Variants in PPP1R21 observed in about 807,000 individuals in gnomAD.
PPP1R21 encodes KLRAQ motif containing 1.
In PPP1R21, 85 loss-of-function variants were observed where a neutral mutation model predicts 112.8. The ratio of observed to expected loss-of-function variants is 0.75; its 90% CI spans 0.63 to 0.90. PPP1R21 has a LOEUF of 0.90. Ranked by LOEUF, PPP1R21 falls within the 40% of genes least tolerant of loss-of-function variation. The probability of loss-of-function intolerance (pLI) is 0.00; values close to 1 mark genes in which losing one functional copy is unlikely to be tolerated. For missense variants in PPP1R21, 1,199 were observed against 901.5 expected (o/e 1.33, Z -4.23); for synonymous variants, 381 against 322.3 (o/e 1.18, Z -1.95).
chr2:48,506,902 C>T (rs754091713), intron 18 of PPP1R21, among the ~76,000 whole-genome samples: 8 of 148,170 alleles, frequency 5.4e-5, no homozygotes, highest in South Asian at 4.2e-4. Context: ...GCCAAGACTG[C>T]GCCACTGCAC....
At chr2:48,487,177 A>G (rs1669339128) in intron 14 of PPP1R21, among the ~76,000 whole-genome samples, 1 of 152,196 alleles carries the variant, frequency 6.6e-6, no homozygotes, top group African/African-American at 2.4e-5. Flanking sequence ...ATCGTTGTGT[A>G]TATGAAGGGT....
intron 19 of PPP1R21, among the ~76,000 whole-genome samples, chr2:48,507,749 CTTTTTTTTTTTT>C (rs34546075): frequency 9.4e-5 from 4 of 42,392 alleles, no homozygotes; most frequent in South Asian, 1.4e-3. Flanking sequence ...GAGGCTCTGC[CTTTTTTTTTTTT>C]TTTTTTTTTT....
At chr2:48,476,064 C>T (rs1668740143) in intron 12 of PPP1R21, among the ~76,000 whole-genome samples, 1 of 152,114 alleles carries the variant, frequency 6.6e-6, no homozygotes, top group South Asian at 2.1e-4. Context: ...ACACTTTTAT[C>T]ACCCATAGAA....
chr2:48,508,929 A>G (rs1670508749), intron 19 of PPP1R21, among the ~76,000 whole-genome samples: 2 of 152,170 alleles, frequency 1.3e-5, no homozygotes, highest in Non-Finnish European at 2.9e-5. Flanking sequence ...CCTTATTGGT[A>G]AACAGGAAGT....
At position 48,465,671 on chromosome 2, in the gene PPP1R21, T is replaced by A. The variant is rs774259280; in HGVS notation, c.897+29T>A. On this transcript the variant is annotated intron_variant, in intron 9 of 21. Coordinates refer to ENST00000294952, the MANE Select transcript of PPP1R21 (RefSeq NM_001135629.3). ...AATTTAATTCAGGATACATTTTGTTTGCCCTGAACAAAATAGGGAGATATT... is the reference window on the plus strand; with the variant it reads ...AATTTAATTCAGGATACATTTTGTTAGCCCTGAACAAAATAGGGAGATATT... 3 of 1,599,332 alleles carry A rather than the reference T, an allele frequency of 1.9e-6. No individual in the cohort carries two copies. The Admixed American group carries it at 5.1e-5, about 27-fold the overall frequency.
rs138626396 is a variant in PPP1R21, at chr2:48,483,812, A to G, written c.1319-2819A>G. Among the ~76,000 whole-genome samples the G allele has an allele frequency of 3.2e-4, 49 of 152,216 alleles. No homozygotes were observed. In the East Asian group the frequency reaches 9.3e-3, roughly 29 times the overall value. The stretch of plus-strand genomic sequence containing the variant: ...AACCCTGAGTCTGGGAATGCCTCCA[A>G]AATGTCAATTTAGTGTATTACTCTT... On this transcript the variant is annotated intron_variant, in intron 13 of 21. Coordinates refer to ENST00000294952, the MANE Select transcript of PPP1R21 (RefSeq NM_001135629.3).
intron 14 of PPP1R21, among the ~76,000 whole-genome samples, chr2:48,488,931 T>A (rs886971825): frequency 6.6e-6 from 1 of 152,222 alleles, no homozygotes; most frequent in Non-Finnish European, 1.5e-5. Flanking sequence ...TGTACTACCA[T>A]GATCCAAATG....
intron 4 of PPP1R21, among the ~76,000 whole-genome samples, chr2:48,459,458 G>A (rs1463442337): frequency 3.3e-5 from 5 of 152,292 alleles, no homozygotes; most frequent in Admixed American, 6.5e-5. Flanking sequence ...GGTAGGAGGT[G>A]CAGGCTTTGG....
rs189589968 is a variant in PPP1R21 at position 48,500,356 on chromosome 2, T to C, written c.1935+1621T>C. On this transcript the variant is annotated intron_variant, in intron 17 of 21. Coordinates refer to ENST00000294952, the MANE Select transcript of PPP1R21 (RefSeq NM_001135629.3). ...AGCAAAACAGGCATGCTAGCAATTATTGAATCTAGATACTAGATATACAGA... is the reference window on the plus strand; with the variant it reads ...AGCAAAACAGGCATGCTAGCAATTACTGAATCTAGATACTAGATATACAGA... Among the ~76,000 whole-genome samples the C allele has an allele frequency of 5.9e-5, 9 of 152,226 alleles. No homozygotes were observed. The East Asian group carries it at 1.2e-3, about 20-fold the overall frequency.
intron 11 of PPP1R21, among the ~76,000 whole-genome samples, chr2:48,473,481 C>A (rs1230642455): frequency 6.6e-6 from 1 of 152,160 alleles, no homozygotes; most frequent in Non-Finnish European, 1.5e-5. Context: ...TGGATGAATT[C>A]TTTCTTAAGC....
chr2:48,455,531 G>T (rs1667682182), intron 3 of PPP1R21, among the ~76,000 whole-genome samples: 1 of 152,102 alleles, frequency 6.6e-6, no homozygotes, highest in Non-Finnish European at 1.5e-5. Flanking sequence ...TTAAATGTTA[G>T]GGACATTTAT....
At chr2:48,482,665 G>A (rs563172499) in intron 13 of PPP1R21, among the ~76,000 whole-genome samples, 1 of 128,794 alleles carries the variant, frequency 7.8e-6, no homozygotes, top group African/African-American at 2.9e-5. Flanking sequence ...TTTTTTTTTA[G>A]GATGTCTACT....
chr2:48,479,550 T>C (rs761598589), intron 12 of PPP1R21: 1 of 482,698 alleles, frequency 2.1e-6, no homozygotes, highest in Admixed American at 2.3e-5. Context: ...AACTCTGTGA[T>C]ATTTGGGTAA....
intron 14 of PPP1R21, among the ~76,000 whole-genome samples, chr2:48,488,423 G>A (rs1334589698): frequency 6.6e-6 from 1 of 150,488 alleles, no homozygotes; most frequent in Non-Finnish European, 1.5e-5. Flanking sequence ...TTGGAGTGTA[G>A]TGGCATGATC....
At chr2:48,480,770 A>G (rs1036706916) in intron 13 of PPP1R21, among the ~76,000 whole-genome samples, 1 of 152,170 alleles carries the variant, frequency 6.6e-6, no homozygotes, top group Non-Finnish European at 1.5e-5. Context: ...TGGATGATTC[A>G]TTGTTTTTAG....
At position 48,458,134 on chromosome 2, in the gene PPP1R21, A is replaced by G. The variant is rs1667805512; in HGVS notation, c.282A>G (p.Gly94=). 6.2e-7 allele frequency: 1 copy of G among 1,608,816 alleles called. No individual in the cohort carries two copies. Among genetic ancestry groups the G allele is most frequent in the Non-Finnish European group, 8.5e-7 (1 of 1,175,814 alleles). Residue 94 remains glycine, a synonymous_variant, in exon 4 of 22, where the codon GGA becomes GGG. Transcript: ENST00000294952. ...CTTATTCTTTCCATCAGAAAAGTGG[A>G]GAATCTTCTTCTCAGTTGAGTCAAG... The part of the protein sequence containing the change: ...EPRGKKNKKS[G]ESSSQLSQEQ...
In PPP1R21 at chr2:48,498,659, C is replaced by G. The variant is rs2103635090; in HGVS notation, c.1859C>G (p.Ala620Gly). The G allele has an allele frequency of 6.2e-7, 1 of 1,614,214 alleles. No homozygotes were observed. Among genetic ancestry groups the G allele is most frequent in the Non-Finnish European group, 8.5e-7 (1 of 1,180,026 alleles). ...CTGGTTGGGCTGGCCCAGGAAAATG[C>G]TGCTGTGTCAAATACTGCTGGCCAG... Reference protein sequence around the residue: ...AQLVGLAQENAAVSNTAGQDE... With the variant: ...AQLVGLAQENGAVSNTAGQDE... Residue 620 changes from alanine to glycine, a missense_variant, in exon 17 of 22, where the codon GCT becomes GGT. Coordinates refer to ENST00000294952, the MANE Select transcript of PPP1R21 (RefSeq NM_001135629.3).
rs368842819 is a variant in PPP1R21 at position 48,507,192 on chromosome 2, C to CTT, written c.1969-61_1969-60dup. 11,021 of 1,132,152 alleles carry CTT rather than the reference C, an allele frequency of 9.7e-3. 4 individuals carry two copies. The highest frequency in any genetic ancestry group is 0.011 in the Non-Finnish European group (9,520 of 884,150). 70.1% of individuals were successfully genotyped at this position (1,132,152 alleles called of 1,614,324 possible). ...CAAGTGAGAATGTACAAAATGTTGT[C>CTT]TTTTTTTTTTTTTTTTTCTAGAAAT... On this transcript the variant is annotated intron_variant, in intron 18 of 21. Transcript: ENST00000294952.
chr2:48,471,081 G>C lies in PPP1R21; in HGVS notation c.898-6G>C. On this transcript the variant is annotated splice_region_variant and splice_polypyrimidine_tract_variant and intron_variant, in intron 9 of 21. Coordinates refer to ENST00000294952, the MANE Select transcript of PPP1R21 (RefSeq NM_001135629.3). ...TTTAATTCACAATACTTTCCCTCCT[G>C]TTTAGTTCTCACAATACCTTCATGA... The C allele has an allele frequency of 6.3e-7, 1 of 1,575,368 alleles. No homozygotes were observed. Among genetic ancestry groups the C allele is most frequent in the Non-Finnish European group, 8.7e-7 (1 of 1,145,324 alleles).
Sources: gnomAD v4.1 joint callset for allele counts (sites outside exome capture counted in the v4.1 genomes callset) on GRCh38, gnomAD v4.1.1 for gene constraint, MANE v1.5 for transcripts, NCBI Gene and HGNC (gene_info 2026-07-23, HGNC 2026-07-21) for gene names.